Variants in ADARB1 observed in about 807,000 individuals in gnomAD.
ADARB1 encodes adenosine deaminase RNA specific B1, also known as double-stranded RNA-specific editase 1.
A neutral mutation model predicts 52.4 loss-of-function variants in ADARB1; 10 were observed. The observed-to-expected ratio is 0.19, with a 90% CI of 0.12 to 0.32. The LOEUF (loss-of-function observed/expected upper bound fraction) is 0.32. Among genes scored for constraint, ADARB1 ranks in the 10% least tolerant of loss-of-function variants. The pLI is 1.00. For synonymous variants in ADARB1, 349 were observed against 371.1 expected (o/e 0.94, Z 0.68); for missense variants, 643 against 922.3 (o/e 0.70, Z 3.92).
intron 1 of ADARB1, among the ~76,000 whole-genome samples, chr21:45,098,355 G>T (rs2086855790): frequency 6.6e-6 from 1 of 152,178 alleles, no homozygotes; most frequent in African/African-American, 2.4e-5. Context: ...TCTGTCTAGG[G>T]GCTGCTCACA....
chr21:45,226,354 A>T lies in ADARB1; in HGVS notation c.*4157A>T, dbSNP rs1288765971. 3.9e-5 allele frequency: 6 copies of T among 152,598 alleles called. No homozygotes were observed. Among genetic ancestry groups the T allele is most frequent in the Non-Finnish European group, 8.8e-5 (6 of 68,038 alleles). The allele number at this position is 152,598 out of a possible 1,614,324, so 9.5% of individuals were successfully genotyped here. A position where few individuals can be genotyped will look rare whatever the true frequency, so the allele number is the denominator to read the frequency against. ...CTTTTAATTTGATTTTAGAATCTGG[A>T]CACTTTCTATGAATGTAATTCGGCT... On this transcript the variant is annotated 3_prime_UTR_variant, in exon 11 of 11. Coordinates refer to ENST00000348831, the MANE Select transcript of ADARB1 (RefSeq NM_001112.4).
rs925379658 is a variant in ADARB1, at chr21:45,225,313, G to A, written c.*3116G>A. On this transcript the variant is annotated 3_prime_UTR_variant, in exon 11 of 11. Transcript: ENST00000348831. ...GGCCCACCTCTTCCCAGCAAGGGACGCCAAAGAACTGCAGTTTTTATTCTG... is the reference window on the plus strand; with the variant it reads ...GGCCCACCTCTTCCCAGCAAGGGACACCAAAGAACTGCAGTTTTTATTCTG... 4.2e-6 allele frequency: 5 copies of A among 1,202,274 alleles called. No homozygotes were observed. The highest frequency in any genetic ancestry group is 4.4e-5 in the Admixed American group (1 of 22,734). The allele number at this position is 1,202,274 out of a possible 1,614,324, so 74.5% of individuals were successfully genotyped here.
intron 1 of ADARB1, among the ~76,000 whole-genome samples, chr21:45,116,095 G>A (rs772374754): frequency 1.2e-4 from 18 of 152,190 alleles, no homozygotes; most frequent in East Asian, 3.9e-4. Flanking sequence ...AAGTGCTTTC[G>A]GGGATGCTGA....
At chr21:45,139,034 C>T (rs1301874907) in intron 2 of ADARB1, among the ~76,000 whole-genome samples, 1 of 152,090 alleles carries the variant, frequency 6.6e-6, no homozygotes, top group Non-Finnish European at 1.5e-5. Context: ...GATTCACCTG[C>T]CACAGCCTCC....
At chr21:45,100,237 C>T (rs752879177) in intron 1 of ADARB1, among the ~76,000 whole-genome samples, 3 of 152,134 alleles carry the variant, frequency 2.0e-5, no homozygotes, top group Non-Finnish European at 4.4e-5. Flanking sequence ...ATGATAGCTA[C>T]AAGGTTCTTT....
intron 9 of ADARB1, among the ~76,000 whole-genome samples, chr21:45,218,962 C>T (rs1046884603): frequency 9.2e-5 from 14 of 152,234 alleles, no homozygotes; most frequent in African/African-American, 3.1e-4. Flanking sequence ...TTATCAAGCT[C>T]AATATATAAA....
rs2090710251 is a variant in ADARB1 at position 45,157,279 on chromosome 21, A to G, written c.-47-14331A>G. Among the ~76,000 whole-genome samples the G allele has an allele frequency of 6.6e-6, 1 of 152,260 alleles. No individual in the cohort carries two copies. The highest frequency in any genetic ancestry group is 2.4e-5 in the African/African-American group (1 of 41,472). On this transcript the variant is annotated intron_variant, in intron 2 of 10. Coordinates refer to ENST00000348831, the MANE Select transcript of ADARB1 (RefSeq NM_001112.4). This position sits in a 1 kb window ranked among gnomAD's most constrained non-coding sequence, Gnocchi z 4.1. ...TTGAAATACCATGGAAATTGGATCC[A>G]AAGCAGATTGAACAGTGCCAATTCT... is the stretch of plus-strand genomic sequence containing the variant.
At chr21:45,198,001 A>ACT in intron 8 of ADARB1, among the ~76,000 whole-genome samples, 1 of 152,188 alleles carries the variant, frequency 6.6e-6, no homozygotes, top group South Asian at 2.1e-4. Flanking sequence ...TGTCCCTTTA[A>ACT]GCGTGTGCAG....
intron 9 of ADARB1, among the ~76,000 whole-genome samples, chr21:45,211,751 A>G (rs2092772266): frequency 6.6e-6 from 1 of 152,208 alleles, no homozygotes; most frequent in African/African-American, 2.4e-5. Flanking sequence ...TTACCAGCCA[A>G]GTTGTTCTTG....
chr21:45,076,554 C>A (rs1314699303), intron 1 of ADARB1, among the ~76,000 whole-genome samples: 1 of 152,198 alleles, frequency 6.6e-6, no homozygotes, highest in Admixed American at 6.5e-5. Context: ...AATAATCGAT[C>A]CAGCTCTGAG....
intron 2 of ADARB1, among the ~76,000 whole-genome samples, chr21:45,152,395 T>A (rs987557757): frequency 6.6e-6 from 1 of 152,184 alleles, no homozygotes; most frequent in African/African-American, 2.4e-5. Flanking sequence ...TGGTGTGCTC[T>A]GAAGTCATTG....
intron 7 of ADARB1, among the ~76,000 whole-genome samples, chr21:45,184,100 T>A (rs1286349538): frequency 6.6e-6 from 1 of 152,206 alleles, no homozygotes; most frequent in East Asian, 1.9e-4. Flanking sequence ...CTGTGGAAAA[T>A]TGCTAACTAT....
At chr21:45,119,748 A>T (rs1324366114) in intron 1 of ADARB1, among the ~76,000 whole-genome samples, 1 of 152,216 alleles carries the variant, frequency 6.6e-6, no homozygotes, top group Non-Finnish European at 1.5e-5. Context: ...AAAGACGGAG[A>T]TGACTTAGGG....
chr21:45,152,712 A>T (rs1426519172), intron 2 of ADARB1: 1 of 432,468 alleles, frequency 2.3e-6, no homozygotes, highest in Admixed American at 2.5e-5. Flanking sequence ...AGGAAAGGTA[A>T]TTCATTTAGT....
rs2093015223 is a variant in ADARB1, at chr21:45,224,119, G to A, written c.*1922G>A. 1 of 985,430 alleles carries A rather than the reference G, an allele frequency of 1.0e-6. No individual in the cohort carries two copies. The highest frequency in any genetic ancestry group is 1.2e-6 in the Non-Finnish European group (1 of 829,944). 61.0% of individuals were successfully genotyped at this position (985,430 alleles called of 1,614,324 possible). A position where few individuals can be genotyped will look rare whatever the true frequency, so the allele number is the denominator to read the frequency against. ...TCTAGAAAAAACACCTTGTAAGTCT[G>A]TGCATTTTTATTGTCTTGATAAATT... On this transcript the variant is annotated 3_prime_UTR_variant, in exon 11 of 11. Transcript: ENST00000348831.
chr21:45,208,073 C>T lies in ADARB1; in HGVS notation c.1747+3337C>T, dbSNP rs1175450970. On this transcript the variant is annotated intron_variant, in intron 9 of 10. Transcript: ENST00000348831. This position sits in a 1 kb window ranked among gnomAD's most constrained non-coding sequence, Gnocchi z 5.6. Reference sequence around the variant, plus strand: ...TGGAAGAGGAAGTCTCTCGAGCTTTCTCAGACTTTCTCTCAAATGAGTTTC... The same window carrying T: ...TGGAAGAGGAAGTCTCTCGAGCTTTTTCAGACTTTCTCTCAAATGAGTTTC... Among the ~76,000 whole-genome samples, 1 of 152,232 alleles carries T rather than the reference C, an allele frequency of 6.6e-6. No homozygotes were observed. The highest frequency in any genetic ancestry group is 1.5e-5 in the Non-Finnish European group (1 of 68,046).
At chr21:45,195,213 G>A (rs1252853508) in intron 8 of ADARB1, among the ~76,000 whole-genome samples, 1 of 152,062 alleles carries the variant, frequency 6.6e-6, no homozygotes, top group Non-Finnish European at 1.5e-5. Context: ...CTTGAATGAC[G>A]TGTCTGTTAA....
intron 2 of ADARB1, among the ~76,000 whole-genome samples, chr21:45,156,073 C>T: frequency 7.7e-6 from 1 of 129,400 alleles, no homozygotes. Flanking sequence ...ATCATCCATT[C>T]ATCCATCCAT....
chr21:45,152,185 T>C (rs1190321890), intron 2 of ADARB1, among the ~76,000 whole-genome samples: 1 of 152,226 alleles, frequency 6.6e-6, no homozygotes, highest in Non-Finnish European at 1.5e-5. Flanking sequence ...CTGTTACTTT[T>C]TGCAGTTTTA....
Sources: gnomAD v4.1 joint callset for allele counts (sites outside exome capture counted in the v4.1 genomes callset) on GRCh38, gnomAD v4.1.1 for gene constraint, Gnocchi (gnomAD v3.1) non-coding constraint, MANE v1.5 for transcripts, NCBI Gene and HGNC (gene_info 2026-07-23, HGNC 2026-07-21) for gene names.